The following ABHD2 variants were observed in gnomAD, a reference collection of about 807,000 sequenced individuals.
ABHD2 encodes monoacylglycerol lipase ABHD2.
Under a neutral mutation model 48.1 loss-of-function variants are expected in ABHD2, and 20 were observed. The observed-to-expected ratio is 0.42, with a 90% CI of 0.29 to 0.60. The LOEUF is 0.60. Among genes scored for constraint, ABHD2 ranks in the 20% least tolerant of loss-of-function variants. ABHD2 has a pLI of 0.24. For synonymous variants in ABHD2, 209 were observed against 214.2 expected (o/e 0.98, Z 0.21); for missense variants, 405 against 550.9 (o/e 0.74, Z 2.65).
At chr15:89,154,910 T>G (rs2050646764) in intron 4 of ABHD2, among the ~76,000 whole-genome samples, 1 of 152,262 alleles carries the variant, frequency 6.6e-6, no homozygotes, top group African/African-American at 2.4e-5. Context: ...TAACTGAAAG[T>G]AAAATTGCTG....
At chr15:89,078,725 C>CTTTTTTTTTT in the ABHD2 span, among the ~76,000 whole-genome samples, 2 of 143,676 alleles carry the variant, frequency 1.4e-5, no homozygotes, top group Non-Finnish European at 3.0e-5. Flanking sequence ...ACAATGTAGG[C>CTTTTTTTTTT]TTTTTTTTTT....
chr15:89,051,804 C>G, the ABHD2 span, among the ~76,000 whole-genome samples: 44 of 152,308 alleles, frequency 2.9e-4, no homozygotes, highest in Admixed American at 2.5e-3. Context: ...AATTAAACCT[C>G]TTTCCTTTAT....
intron 3 of ABHD2, chr15:89,136,556 G>C (rs191287609): frequency 1.1e-3 from 309 of 293,500 alleles, no homozygotes; most frequent in African/African-American, 6.5e-3. Flanking sequence ...GCTCTCACTT[G>C]CCCCAGTGCT....
chr15:89,107,119 A>G (rs2049798685), intron 1 of ABHD2, among the ~76,000 whole-genome samples: 1 of 152,146 alleles, frequency 6.6e-6, no homozygotes, highest in African/African-American at 2.4e-5. Context: ...TAGTCTTTCC[A>G]TGGGCAGGAG....
chr15:89,128,791 G>T (rs371675080), intron 3 of ABHD2, among the ~76,000 whole-genome samples: 2 of 152,134 alleles, frequency 1.3e-5, no homozygotes, highest in Admixed American at 1.3e-4. Context: ...TGGTCTGTGG[G>T]GGGGAGGAAG....
chr15:89,081,001 CTTT>C, the ABHD2 span, among the ~76,000 whole-genome samples: 5 of 139,096 alleles, frequency 3.6e-5, no homozygotes, highest in African/African-American at 1.1e-4. Flanking sequence ...AATTTCATTC[CTTT>C]TTTTTTTTTT....
At position 89,091,627 on chromosome 15, in the gene ABHD2, GGTCTTATGGGAGACAGGGGTAGA is replaced by G. The variant is rs1364375583; in HGVS notation, c.-107+3069_-107+3091del. On this transcript the variant is annotated intron_variant, in intron 1 of 10. Transcript: ENST00000352732. The surrounding 1 kb of genome is among the most constrained non-coding windows in gnomAD (Gnocchi z 5.5). ...GCCCCGAGCAGGAAATAATTTCTTT[GGTCTTATGGGAGACAGGGGTAGA>G]GTCTGTCTTATTTTTTGCCTAAAAT... 4.6e-5 allele frequency among the ~76,000 whole-genome samples: 7 copies of G among 152,048 alleles called. No individual in the cohort carries two copies. Among genetic ancestry groups the G allele is most frequent in the African/African-American group, 1.7e-4 (7 of 41,388 alleles).
rs1433542731 is a variant in ABHD2, at chr15:89,139,936, T to C, written c.195-11741T>C. On this transcript the variant is annotated intron_variant, in intron 3 of 10. Transcript: ENST00000352732. Reference sequence around the variant, plus strand: ...CAGAGGACATCACCAGCCATTTGAGTGTGCAGTTGTCTGGAGCAGCCACGC... The same window carrying C: ...CAGAGGACATCACCAGCCATTTGAGCGTGCAGTTGTCTGGAGCAGCCACGC... Among the ~76,000 whole-genome samples, 6 of 152,274 alleles carry C rather than the reference T, an allele frequency of 3.9e-5. No individual in the cohort carries two copies. The East Asian group carries it at 1.2e-3, about 29-fold the overall frequency.
chr15:89,054,294 C>T, the ABHD2 span, among the ~76,000 whole-genome samples: 1 of 149,838 alleles, frequency 6.7e-6, no homozygotes, highest in Admixed American at 6.7e-5. Flanking sequence ...TACACTCCAG[C>T]CTGGGTGACA....
the ABHD2 span, among the ~76,000 whole-genome samples, chr15:89,060,121 G>T: frequency 2.7e-5 from 3 of 111,380 alleles, no homozygotes; most frequent in African/African-American, 1.1e-4. Flanking sequence ...ACAGAGTTTC[G>T]CTCTTGTTGC....
the ABHD2 span, among the ~76,000 whole-genome samples, chr15:89,043,510 GGAA>G: frequency 6.7e-6 from 1 of 148,770 alleles, no homozygotes; most frequent in Non-Finnish European, 1.5e-5. Context: ...AAAAGAAAGA[GGAA>G]GGAGGAAGAG....
rs1418895331 is a variant in ABHD2, at chr15:89,173,113, G to A, written c.539-2699G>A. On this transcript the variant is annotated intron_variant, in intron 5 of 10. Transcript: ENST00000352732. The surrounding 1 kb of genome is among the most constrained non-coding windows in gnomAD (Gnocchi z 6.5). The stretch of plus-strand genomic sequence containing the variant: ...GGAGGTGAACAAATGTCTCCTTTGG[G>A]ATTTCTAAATTTTTTATTTGTTGCG... Among the ~76,000 whole-genome samples the A allele has an allele frequency of 6.6e-6, 1 of 152,216 alleles. No individual in the cohort carries two copies. Among genetic ancestry groups the A allele is most frequent in the Non-Finnish European group, 1.5e-5 (1 of 68,036 alleles).
chr15:89,191,208 C>T (rs1028060600), intron 9 of ABHD2, 59 bp downstream of exon 9: 53 of 1,522,680 alleles, frequency 3.5e-5, no homozygotes, highest in South Asian at 4.6e-5. Context: ...GCACACAATA[C>T]GACAGATACC....
intron 1 of ABHD2, among the ~76,000 whole-genome samples, chr15:89,093,268 C>G: frequency 7.0e-6 from 1 of 142,498 alleles, no homozygotes; most frequent in Non-Finnish European, 1.5e-5. Context: ...GCAACCTCTG[C>G]TTCGCGGGTT....
At chr15:89,047,913 G>T in the ABHD2 span, among the ~76,000 whole-genome samples, 1 of 146,338 alleles carries the variant, frequency 6.8e-6, no homozygotes, top group Admixed American at 6.9e-5. Flanking sequence ...AGTTAATATT[G>T]TTATGTGTGA....
the ABHD2 span, among the ~76,000 whole-genome samples, chr15:89,059,420 C>T: frequency 3.9e-5 from 6 of 152,126 alleles, no homozygotes; most frequent in Admixed American, 2.0e-4. Flanking sequence ...ACTTCCTGTT[C>T]CAATTTTCTG....
chr15:89,042,141 C>T, the ABHD2 span, among the ~76,000 whole-genome samples: 1 of 152,174 alleles, frequency 6.6e-6, no homozygotes, highest in Non-Finnish European at 1.5e-5. Context: ...ATTATTGTCT[C>T]CACATCATAG....
the ABHD2 span, among the ~76,000 whole-genome samples, chr15:89,073,283 T>G: frequency 6.6e-6 from 1 of 152,118 alleles, no homozygotes; most frequent in East Asian, 1.9e-4. Flanking sequence ...AGCTAGAAAC[T>G]TGTGTGGAAT....
intron 8 of ABHD2, among the ~76,000 whole-genome samples, chr15:89,190,448 G>A (rs1252482886): frequency 1.3e-5 from 2 of 152,098 alleles, no homozygotes; most frequent in East Asian, 1.9e-4. Flanking sequence ...TTGAATGACG[G>A]TCTCATTTCT....
Sources: allele counts gnomAD v4.1 joint callset (sites outside exome capture counted in the v4.1 genomes callset), GRCh38; gene constraint gnomAD v4.1.1; non-coding constraint Gnocchi (gnomAD v3.1); transcripts MANE v1.5; gene names NCBI Gene and HGNC (gene_info 2026-07-23, HGNC 2026-07-21).